CNGB3: variants seen among roughly 807,000 people sequenced by gnomAD.
CNGB3 encodes the protein cyclic nucleotide-gated channel beta-3.
A neutral mutation model predicts 92.8 loss-of-function variants in CNGB3; 86 were observed. The ratio of observed to expected loss-of-function variants is 0.93; its 90% confidence interval spans 0.78 to 1.11. The LOEUF is 1.11. Ranked by LOEUF, CNGB3 falls within the 50% of genes least tolerant of loss-of-function variation. CNGB3 has a pLI of 0.00. For missense variants in CNGB3, 1,026 were observed against 956.8 expected (o/e 1.07, Z -0.95); for synonymous variants, 333 against 332.7 (o/e 1.00, Z -0.01).
chr8:86,641,556 G>C (rs1823187169), intron 10 of CNGB3, among the ~76,000 whole-genome samples: 2 of 151,526 alleles, frequency 1.3e-5, no homozygotes, highest in South Asian at 4.2e-4. Flanking sequence ...TGCCTTTCCT[G>C]TACTTCTCCC....
At chr8:86,593,839 C>A in intron 15 of CNGB3, 1 of 931,088 alleles carries the variant, frequency 1.1e-6, no homozygotes, top group Non-Finnish European at 1.7e-6. Flanking sequence ...GGAAGTTGGT[C>A]AAATTGAACT....
chr8:86,635,078 T>A (rs544756555), intron 10 of CNGB3, among the ~76,000 whole-genome samples: 1 of 152,210 alleles, frequency 6.6e-6, no homozygotes, highest in East Asian at 1.9e-4. Flanking sequence ...CTGTATAATT[T>A]TTTTCTAGCA....
At chr8:86,580,332 T>A (rs2131533928) in intron 15 of CNGB3, among the ~76,000 whole-genome samples, 1 of 152,282 alleles carries the variant, frequency 6.6e-6, no homozygotes, top group South Asian at 2.1e-4. Context: ...ACTCTTAGAC[T>A]TTTCCTCACT....
intron 15 of CNGB3, among the ~76,000 whole-genome samples, chr8:86,597,568 T>G (rs546318864): frequency 6.6e-6 from 1 of 151,938 alleles, no homozygotes; most frequent in Non-Finnish European, 1.5e-5. Context: ...GCTGAGATCT[T>G]GGTAAAAGGG....
At chr8:86,597,657 A>T (rs905938388) in intron 15 of CNGB3, among the ~76,000 whole-genome samples, 1 of 152,054 alleles carries the variant, frequency 6.6e-6, no homozygotes, top group Non-Finnish European at 1.5e-5. Context: ...GCATTCAAGG[A>T]ATGGGAAGAC....
At chr8:86,694,687 A>G (rs1028315449) in intron 3 of CNGB3, among the ~76,000 whole-genome samples, 2 of 147,646 alleles carry the variant, frequency 1.4e-5, no homozygotes, top group African/African-American at 5.1e-5. Flanking sequence ...GGCGCTCCCC[A>G]CATCTCAGAC....
intron 3 of CNGB3, among the ~76,000 whole-genome samples, chr8:86,712,531 A>G (rs1194334454): frequency 2.0e-5 from 3 of 152,086 alleles, no homozygotes; most frequent in East Asian, 1.9e-4. Context: ...CTCCAGCACT[A>G]CTTACTTAAA....
At chr8:86,667,934 A>T in intron 5 of CNGB3, 85 bp downstream of exon 5, 1 of 1,425,064 alleles carries the variant, frequency 7.0e-7, no homozygotes, top group Non-Finnish European at 9.9e-7. Context: ...AGTAAGGAAA[A>T]TAGAAGCTAT....
intron 3 of CNGB3, among the ~76,000 whole-genome samples, chr8:86,710,431 A>G (rs1437912986): frequency 6.6e-6 from 1 of 151,282 alleles, no homozygotes; most frequent in Non-Finnish European, 1.5e-5. Flanking sequence ...GCTAATTGCC[A>G]GTCCTAGGCA....
chr8:86,681,388 A>G lies in CNGB3; in HGVS notation c.339-10290T>C, dbSNP rs531671484. 1.6e-4 allele frequency among the ~76,000 whole-genome samples: 24 copies of G among 152,334 alleles called. No homozygotes were observed. In the South Asian group the frequency reaches 4.8e-3, roughly 30 times the overall value. ...AGAATGAGTTGAAGAATTCTCCCAG[A>G]GTGTAGCACAGGACAACAGGTGTAA... On this transcript the variant is annotated intron_variant, in intron 3 of 17. Transcript: ENST00000320005.
chr8:86,732,222 G>A lies in CNGB3; in HGVS notation c.212-5565C>T, dbSNP rs375510286. Among the ~76,000 whole-genome samples, 184 of 152,186 alleles carry A rather than the reference G, an allele frequency of 1.2e-3. 1 individual carries two copies. The highest frequency in any genetic ancestry group is 0.011 in the South Asian group (52 of 4,820). On this transcript the variant is annotated intron_variant, in intron 2 of 17. Transcript: ENST00000320005. ...GGGTATGCTTTCCATGCCAAACTTC[G>A]CTCTTTTAAGCGAGGGAGCTTTCTG...
intron 12 of CNGB3, 30 bp from the exon 13 acceptor site, chr8:86,626,110 A>G (rs763522714): frequency 1.3e-6 from 2 of 1,506,506 alleles, no homozygotes; most frequent in Admixed American, 3.4e-5. Context: ...TCAAACCCCG[A>G]TGCAGAATAA....
At chr8:86,694,697 C>T (rs565362684) in intron 3 of CNGB3, among the ~76,000 whole-genome samples, 12 of 146,868 alleles carry the variant, frequency 8.2e-5, no homozygotes, top group South Asian at 6.6e-4. Flanking sequence ...ACATCTCAGA[C>T]GATGGGTGGC....
intron 6 of CNGB3, chr8:86,661,587 C>A (rs1823641061): frequency 2.6e-6 from 2 of 761,096 alleles, no homozygotes; most frequent in Non-Finnish European, 4.8e-6. Flanking sequence ...TTTTCAATTC[C>A]TTCATCCTCC....
rs568170280 is a variant in CNGB3 at position 86,672,628 on chromosome 8, G to T, written c.339-1530C>A. The stretch of plus-strand genomic sequence containing the variant: ...TCACCTCCAAGTGGCAGCCCATGGG[G>T]TTCACAGCGCATCTGGGCAACTTGT... On this transcript the variant is annotated intron_variant, in intron 3 of 17. Coordinates refer to ENST00000320005, the MANE Select transcript of CNGB3 (RefSeq NM_019098.5). Among the ~76,000 whole-genome samples the T allele has an allele frequency of 6.6e-5, 10 of 152,186 alleles. No individual in the cohort carries two copies. In the South Asian group the frequency reaches 2.1e-3, roughly 32 times the overall value.
chr8:86,640,538 C>A (rs987668262), intron 10 of CNGB3, among the ~76,000 whole-genome samples: 1 of 152,026 alleles, frequency 6.6e-6, no homozygotes, highest in Non-Finnish European at 1.5e-5. Context: ...AATGACCAGT[C>A]CGTTTTTGTT....
At chr8:86,733,228 A>G (rs930002512) in intron 2 of CNGB3, among the ~76,000 whole-genome samples, 3 of 152,138 alleles carry the variant, frequency 2.0e-5, no homozygotes, top group Admixed American at 6.6e-5. Flanking sequence ...TTTGTTTAAG[A>G]TAATGGCCTC....
intron 3 of CNGB3, among the ~76,000 whole-genome samples, chr8:86,687,363 T>G (rs1425992439): frequency 1.3e-5 from 2 of 151,912 alleles, no homozygotes; most frequent in Non-Finnish European, 2.9e-5. Context: ...TATAAAAGAA[T>G]GAAGTACTGG....
At chr8:86,577,842 A>T (rs1206953017) in intron 17 of CNGB3, among the ~76,000 whole-genome samples, 1 of 152,182 alleles carries the variant, frequency 6.6e-6, no homozygotes, top group East Asian at 1.9e-4. Context: ...AATCACACAC[A>T]TGCAAAAAGC....
Sources: allele counts gnomAD v4.1 joint callset (sites outside exome capture counted in the v4.1 genomes callset), GRCh38; gene constraint gnomAD v4.1.1; transcripts MANE v1.5; gene names NCBI Gene and HGNC (gene_info 2026-07-23, HGNC 2026-07-21).